FAM228B: variants seen among roughly 807,000 people sequenced by gnomAD.
FAM228B encodes family with sequence similarity 228 member B, also known as protein FAM228B.
In FAM228B, 38 loss-of-function variants were observed where a neutral mutation model predicts 42.6. That is an observed-to-expected ratio of 0.89 (90% CI 0.69 to 1.17). FAM228B has a LOEUF of 1.17. Ranked by LOEUF, FAM228B falls within the 50% of genes most tolerant of loss-of-function variation. The pLI, the probability that FAM228B is intolerant of heterozygous loss-of-function variation, is 0.00. For synonymous variants in FAM228B, 109 were observed against 122.3 expected (o/e 0.89, Z 0.72); for missense variants, 344 against 367.3 (o/e 0.94, Z 0.52).
intron 2 of FAM228B, among the ~76,000 whole-genome samples, chr2:24,129,959 C>T (rs1418784242): frequency 6.6e-6 from 1 of 152,150 alleles, no homozygotes; most frequent in East Asian, 1.9e-4. Flanking sequence ...TGCTCACCTC[C>T]CCTCACCCCC....
rs369632523 is a variant in FAM228B, at chr2:24,129,128, TCTC to T, written c.99+4673_99+4675del. ...TCCAGAGCTCCATCTTTCTTGTAGC[TCTC>T]CTCCCTCTAGTACTCTAACCTATGA... On this transcript the variant is annotated intron_variant, in intron 2 of 10. Coordinates refer to ENST00000615575, the MANE Select transcript of FAM228B (RefSeq NM_001145710.2). Among the ~76,000 whole-genome samples the T allele has an allele frequency of 3.5e-4, 53 of 152,100 alleles. 1 individual carries two copies. The South Asian group carries it at 0.011, about 30-fold the overall frequency.
chr2:24,087,598 G>A (rs1665290098), intron 2 of FAM228B, among the ~76,000 whole-genome samples: 1 of 151,876 alleles, frequency 6.6e-6, no homozygotes, highest in Non-Finnish European at 1.5e-5. Context: ...GAGATTACAC[G>A]CTATAAGAAT....
chr2:24,102,428 C>T (rs912293543), intron 3 of FAM228B, among the ~76,000 whole-genome samples: 2 of 151,852 alleles, frequency 1.3e-5, no homozygotes, highest in Non-Finnish European at 2.9e-5. Context: ...ATCCTTTTAC[C>T]CTATCTCATG....
chr2:24,101,760 G>A (rs748518153), intron 3 of FAM228B, among the ~76,000 whole-genome samples: 9 of 152,122 alleles, frequency 5.9e-5, no homozygotes, highest in African/African-American at 9.7e-5. Flanking sequence ...TCAGCTCACT[G>A]CAAGCTCCGC....
At chr2:24,161,010 A>C (rs1208747227) in intron 7 of FAM228B, among the ~76,000 whole-genome samples, 3 of 152,202 alleles carry the variant, frequency 2.0e-5, no homozygotes, top group African/African-American at 7.2e-5. Flanking sequence ...ATCAATCTCC[A>C]TCATGGTTTC....
At chr2:24,143,139 T>G (rs1399446294) in intron 5 of FAM228B, among the ~76,000 whole-genome samples, 1 of 152,190 alleles carries the variant, frequency 6.6e-6, no homozygotes, top group Non-Finnish European at 1.5e-5. Flanking sequence ...AAAAAGGCTG[T>G]TAAAATACTC....
intron 5 of FAM228B, among the ~76,000 whole-genome samples, chr2:24,143,250 G>A (rs1201398139): frequency 2.6e-5 from 4 of 151,658 alleles, no homozygotes; most frequent in East Asian, 1.9e-4. Flanking sequence ...GCCCAATCTC[G>A]GCTCACTGCA....
intron 7 of FAM228B, among the ~76,000 whole-genome samples, chr2:24,160,269 C>G (rs548245093): frequency 6.6e-6 from 1 of 152,262 alleles, no homozygotes; most frequent in Non-Finnish European, 1.5e-5. Context: ...GGATTACAAG[C>G]GTGAGCCACT....
At chr2:24,079,517 C>T in intron 1 of FAM228B, 1 of 1,614,134 alleles carries the variant, frequency 6.2e-7, no homozygotes, top group Non-Finnish European at 8.5e-7. Flanking sequence ...AAACAGGGGC[C>T]CATTGATGTC....
intron 8 of FAM228B, among the ~76,000 whole-genome samples, chr2:24,163,288 G>A (rs1013510522): frequency 6.6e-6 from 1 of 152,200 alleles, no homozygotes; most frequent in African/African-American, 2.4e-5. Flanking sequence ...AGAGATGCTG[G>A]TATGACCAGC....
upstream of FAM228B, chr2:24,121,109 T>C (rs1324783122): frequency 1.3e-6 from 2 of 1,599,974 alleles, no homozygotes; most frequent in Non-Finnish European, 1.7e-6. Flanking sequence ...GCAAGGAAAT[T>C]TGGAGGCAAA....
intron 2 of FAM228B, among the ~76,000 whole-genome samples, chr2:24,134,467 A>G (rs985485137): frequency 6.6e-6 from 1 of 152,248 alleles, no homozygotes; most frequent in African/African-American, 2.4e-5. Context: ...AAAAAGCCTC[A>G]AATAGAGGCC....
intron 8 of FAM228B, among the ~76,000 whole-genome samples, chr2:24,161,959 C>T (rs1352368214): frequency 1.3e-5 from 2 of 151,420 alleles, no homozygotes; most frequent in East Asian, 1.9e-4. Context: ...ATTAGCCAGG[C>T]GTGGTGGTGG....
rs544739172 is a variant in FAM228B, at chr2:24,153,695, A to G, written c.686+6609A>G. On this transcript the variant is annotated intron_variant, in intron 7 of 10. Transcript: ENST00000615575. The stretch of plus-strand genomic sequence containing the variant: ...GGATGGTGCAAGCACTCCCTTAGCC[A>G]TGCCAGCTGGTGTCTCCCTAGGTCA... 5.9e-5 allele frequency among the ~76,000 whole-genome samples: 9 copies of G among 152,296 alleles called. No homozygotes were observed. In the South Asian group the frequency reaches 1.7e-3, roughly 28 times the overall value.
At chr2:24,122,546 C>T (rs778088057), upstream of FAM228B, 36 of 1,580,622 alleles carry the variant, frequency 2.3e-5, no homozygotes, top group Non-Finnish European at 3.0e-5. Context: ...GTTCCCTCAA[C>T]TCTGAAAGGG....
At chr2:24,127,040 A>C (rs1480060168) in intron 2 of FAM228B, among the ~76,000 whole-genome samples, 1 of 152,062 alleles carries the variant, frequency 6.6e-6, no homozygotes, top group Non-Finnish European at 1.5e-5. Context: ...TGTCACCACT[A>C]TCTAATTCCA....
chr2:24,090,562 C>CAAAAAA (rs58611623), intron 2 of FAM228B, among the ~76,000 whole-genome samples: 7 of 81,634 alleles, frequency 8.6e-5, no homozygotes, highest in African/African-American at 2.1e-4. Flanking sequence ...CCTCCCATCT[C>CAAAAAA]AAAAAAAAAA....
chr2:24,156,774 GCCC>G (rs370569150), intron 7 of FAM228B, among the ~76,000 whole-genome samples: 1 of 11,332 alleles, frequency 8.8e-5, no homozygotes, highest in African/African-American at 1.1e-4. Flanking sequence ...ATTTCTTTCC[GCCC>G]CCCCCCCCCC....
chr2:24,109,204 C>G (rs1331700474), intron 3 of FAM228B, among the ~76,000 whole-genome samples: 2 of 149,392 alleles, frequency 1.3e-5, no homozygotes, highest in Admixed American at 1.3e-4. Context: ...GGAAAGTACT[C>G]CTTATTCAAT....
Sources: gnomAD v4.1 joint callset for allele counts (sites outside exome capture counted in the v4.1 genomes callset) on GRCh38, gnomAD v4.1.1 for gene constraint, MANE v1.5 for transcripts, NCBI Gene and HGNC (gene_info 2026-07-23, HGNC 2026-07-21) for gene names.